DNAH12: variants seen among roughly 807,000 people sequenced by gnomAD.
The protein encoded by DNAH12 is dynein axonemal heavy chain 12, also known as axonemal beta dynein heavy chain 12.
In DNAH12, 285 loss-of-function variants were observed where a neutral mutation model predicts 371.5. The ratio of observed to expected loss-of-function variants is 0.77; its 90% confidence interval spans 0.70 to 0.85. DNAH12 has a LOEUF of 0.85. Among genes scored for constraint, DNAH12 ranks in the 40% least tolerant of loss-of-function variants. The pLI is 0.00. For missense variants in DNAH12, 3,611 were observed against 3,689.4 expected (o/e 0.98, Z 0.55); for synonymous variants, 1,200 against 1,213.0 (o/e 0.99, Z 0.22).
chr3:57,418,684 TTTTTG>T (rs2064469622), intron 37 of DNAH12, among the ~76,000 whole-genome samples: 1 of 152,132 alleles, frequency 6.6e-6, no homozygotes, highest in Non-Finnish European at 1.5e-5. Context: ...TTTTCCTGTT[TTTTTG>T]TTTTTTTAAA....
At chr3:57,341,663 A>T (rs1559570348) in intron 60 of DNAH12, among the ~76,000 whole-genome samples, 1 of 152,136 alleles carries the variant, frequency 6.6e-6, no homozygotes, top group Non-Finnish European at 1.5e-5. Flanking sequence ...AGAAAAATTA[A>T]TATTGTTAAA....
intron 68 of DNAH12, 137 bp from the exon 69 acceptor site, chr3:57,309,391 C>T: frequency 2.7e-6 from 2 of 739,636 alleles, no homozygotes; most frequent in South Asian, 2.2e-5. Flanking sequence ...TATATAAGTC[C>T]TATGTACCTT....
At chr3:57,551,203 G>A in the DNAH12 span, among the ~76,000 whole-genome samples, 1 of 151,708 alleles carries the variant, frequency 6.6e-6, no homozygotes, top group African/African-American at 2.4e-5. Context: ...ATATACTCAT[G>A]ACTTAACTTT....
intron 37 of DNAH12, among the ~76,000 whole-genome samples, chr3:57,416,407 T>C (rs551381333): frequency 4.6e-5 from 7 of 152,304 alleles, no homozygotes; most frequent in African/African-American, 1.4e-4. Context: ...GATACTTTAA[T>C]AGTAATAAAC....
chr3:57,491,528 C>T (rs2067124896), intron 11 of DNAH12, among the ~76,000 whole-genome samples: 1 of 151,908 alleles, frequency 6.6e-6, no homozygotes, highest in South Asian at 2.1e-4. Flanking sequence ...TAAAATGTAC[C>T]CATTATCCAG....
intron 57 of DNAH12, among the ~76,000 whole-genome samples, chr3:57,366,485 C>G (rs2063054943): frequency 6.6e-6 from 1 of 152,062 alleles, no homozygotes; most frequent in Non-Finnish European, 1.5e-5. Flanking sequence ...GAGTCTGGAT[C>G]GGGATCCCTT....
At chr3:57,403,180 T>C in intron 43 of DNAH12, 129 bp downstream of exon 43, 1 of 936,488 alleles carries the variant, frequency 1.1e-6, no homozygotes, top group Non-Finnish European at 1.5e-6. Context: ...CAGTAGATGC[T>C]CTATGGACAG....
intron 55 of DNAH12, among the ~76,000 whole-genome samples, chr3:57,374,903 G>T (rs1371260250): frequency 6.6e-6 from 1 of 152,090 alleles, no homozygotes; most frequent in East Asian, 1.9e-4. Flanking sequence ...TTATTTCCTG[G>T]GGTGGGATGA....
intron 2 of DNAH12, among the ~76,000 whole-genome samples, chr3:57,528,590 T>C (rs1393783162): frequency 4.2e-5 from 5 of 120,150 alleles, no homozygotes; most frequent in African/African-American, 1.3e-4. Context: ...CCAGGTGTGA[T>C]GGGGCATGCC....
Position 57,297,115 on chromosome 3 carries a change from G to C in DNAH12, c.11395-131C>G, listed in dbSNP as rs891556069. On this transcript the variant is annotated intron_variant, in intron 70 of 73. Transcript: ENST00000495027. ...CCATCACGAGGCCCTCTTCCCTGAC[G>C]TCAAACACACAGCCTACCTTGGCCC... The C allele has an allele frequency of 3.1e-6, 3 of 974,260 alleles. No homozygotes were observed. The African/African-American group carries it at 4.9e-5, about 16-fold the overall frequency. The allele number at this position is 974,260 out of a possible 1,614,324, so 60.4% of individuals were successfully genotyped here. A position where few individuals can be genotyped will look rare whatever the true frequency, so the allele number is the denominator to read the frequency against.
chr3:57,504,215 T>C lies in DNAH12; in HGVS notation c.898-11A>G. Reference sequence around the variant, plus strand: ...TAATAGATCCTTTAGCTGCGTGATATAAATCACTGTTACTTTAGAGAGTAC... The same window carrying C: ...TAATAGATCCTTTAGCTGCGTGATACAAATCACTGTTACTTTAGAGAGTAC... On this transcript the variant is annotated splice_polypyrimidine_tract_variant and intron_variant, in intron 8 of 73. Coordinates refer to ENST00000495027, the MANE Select transcript of DNAH12 (RefSeq NM_001366028.2). 1.9e-6 allele frequency: 3 copies of C among 1,598,798 alleles called. No homozygotes were observed. Among genetic ancestry groups the C allele is most frequent in the Non-Finnish European group, 1.7e-6 (2 of 1,170,722 alleles).
intron 11 of DNAH12, among the ~76,000 whole-genome samples, chr3:57,495,874 T>C (rs1432476556): frequency 6.9e-6 from 1 of 143,928 alleles, no homozygotes; most frequent in Non-Finnish European, 1.5e-5. Flanking sequence ...TAAATATATA[T>C]TTTTAAAATA....
chr3:57,429,455 C>T (rs2064887887), intron 33 of DNAH12, among the ~76,000 whole-genome samples: 2 of 152,160 alleles, frequency 1.3e-5, no homozygotes, highest in South Asian at 4.1e-4. Context: ...GAATTACAGG[C>T]GTGAGCCACC....
chr3:57,351,325 T>C (rs1461383085), intron 60 of DNAH12, among the ~76,000 whole-genome samples: 1 of 152,068 alleles, frequency 6.6e-6, no homozygotes, highest in Non-Finnish European at 1.5e-5. Flanking sequence ...TTGGTGGGGA[T>C]CTGGTGCAAT....
At chr3:57,407,912 G>GA (rs1553681799) in intron 40 of DNAH12, among the ~76,000 whole-genome samples, 1 of 151,806 alleles carries the variant, frequency 6.6e-6, no homozygotes, top group Non-Finnish European at 1.5e-5. Flanking sequence ...AAGATAGAGA[G>GA]AAAAAACGAC....
chr3:57,495,991 T>TTA (rs1239274014), intron 11 of DNAH12, among the ~76,000 whole-genome samples: 10 of 142,374 alleles, frequency 7.0e-5, no homozygotes, highest in Admixed American at 2.1e-4. Context: ...TTTATATATA[T>TTA]TATATATATA....
intron 35 of DNAH12, among the ~76,000 whole-genome samples, chr3:57,422,180 T>C (rs1244184173): frequency 6.6e-6 from 1 of 152,034 alleles, no homozygotes; most frequent in East Asian, 1.9e-4. Flanking sequence ...CCTAGAGTGC[T>C]AGGATTACAG....
At chr3:57,463,796 C>T (rs1009579236) in intron 17 of DNAH12, among the ~76,000 whole-genome samples, 1 of 152,006 alleles carries the variant, frequency 6.6e-6, no homozygotes, top group Non-Finnish European at 1.5e-5. Context: ...TAGACAGAAT[C>T]TTGCTCCGTC....
chr3:57,429,816 C>T (rs2064901726), intron 32 of DNAH12, 42 bp from the exon 33 acceptor site: 1 of 1,461,332 alleles, frequency 6.8e-7, no homozygotes. Context: ...TTTAAAATTT[C>T]AAGTTTCTCA....
Sources: allele counts gnomAD v4.1 joint callset (sites outside exome capture counted in the v4.1 genomes callset), GRCh38; gene constraint gnomAD v4.1.1; transcripts MANE v1.5; gene names NCBI Gene and HGNC (gene_info 2026-07-23, HGNC 2026-07-21).